Variants in CHODL observed in about 807,000 individuals in gnomAD.
CHODL encodes transmembrane protein MT75.
In CHODL, 29 loss-of-function variants were observed where a neutral mutation model predicts 34.5. The observed-to-expected ratio is 0.84, with a 90% CI of 0.63 to 1.15. CHODL has a LOEUF of 1.15. CHODL is among the 50% of genes most tolerant of loss of function. The probability of loss-of-function intolerance (pLI) is 0.00; values close to 1 mark genes in which losing one functional copy is unlikely to be tolerated. For synonymous variants in CHODL, 125 were observed against 116.1 expected, an observed-to-expected ratio of 1.08 and a Z score of -0.49; for missense variants, 332 against 332.5, an observed-to-expected ratio of 1.00 and a Z score of 0.01.
At chr21:18,134,729 G>A (rs952101833) in intron 2 of CHODL, among the ~76,000 whole-genome samples, 5 of 152,154 alleles carry the variant, frequency 3.3e-5, no homozygotes, top group African/African-American at 1.2e-4. Context: ...CTCACAAGAG[G>A]AGGAGATTGC....
chr21:18,149,388 T>C (rs2072937344), intron 2 of CHODL, among the ~76,000 whole-genome samples: 1 of 152,204 alleles, frequency 6.6e-6, no homozygotes. Context: ...GCACTGGTAG[T>C]CAGGGCAATG....
intron 1 of CHODL, among the ~76,000 whole-genome samples, chr21:17,975,138 C>G (rs1488201923): frequency 6.6e-6 from 1 of 151,872 alleles, no homozygotes; most frequent in African/African-American, 2.4e-5. Flanking sequence ...CGAGCCTGGC[C>G]AAGATGGTGA....
At chr21:18,083,677 T>C (rs183096650) in intron 2 of CHODL, among the ~76,000 whole-genome samples, 18 of 152,316 alleles carry the variant, frequency 1.2e-4, no homozygotes, top group Non-Finnish European at 1.5e-4. Flanking sequence ...TTCTGGAGCT[T>C]TAATATTTAA....
intron 1 of CHODL, among the ~76,000 whole-genome samples, chr21:18,013,013 C>T (rs1463590834): frequency 1.3e-5 from 2 of 152,112 alleles, no homozygotes; most frequent in Non-Finnish European, 2.9e-5. Context: ...GTAATTATCT[C>T]AAGGATTAGA....
intron 2 of CHODL, among the ~76,000 whole-genome samples, chr21:18,085,562 A>G (rs1016630088): frequency 6.6e-6 from 1 of 152,130 alleles, no homozygotes; most frequent in African/African-American, 2.4e-5. Flanking sequence ...AGTGCTGACA[A>G]ATTCCTTCAG....
intron 2 of CHODL, among the ~76,000 whole-genome samples, chr21:18,172,672 A>G (rs1426403457): frequency 5.9e-5 from 9 of 152,068 alleles, no homozygotes. Context: ...TAGTGTTCTT[A>G]TCATTTTTAC....
chr21:18,075,465 C>A (rs578240898), intron 2 of CHODL, among the ~76,000 whole-genome samples: 1 of 152,156 alleles, frequency 6.6e-6, no homozygotes, highest in Non-Finnish European at 1.5e-5. Context: ...GTCAGACACT[C>A]TTGGATTGAC....
rs561929071 is a variant in CHODL at position 18,020,686 on chromosome 21, C to T, written c.-144-7186C>T. 6.6e-5 allele frequency among the ~76,000 whole-genome samples: 10 copies of T among 152,272 alleles called. No individual in the cohort carries two copies. The South Asian group carries it at 2.1e-3, about 32-fold the overall frequency. ...TGTTATAGACTGAATGTTTGGGTCTCTACAAAATATAGATGTTGAGGTCCT... is the reference window on the plus strand; with the variant it reads ...TGTTATAGACTGAATGTTTGGGTCTTTACAAAATATAGATGTTGAGGTCCT... On this transcript the variant is annotated intron_variant, in intron 1 of 6. Transcript: ENST00000400127.
chr21:18,190,384 C>G (rs186770537), intron 2 of CHODL, among the ~76,000 whole-genome samples: 1 of 152,166 alleles, frequency 6.6e-6, no homozygotes, highest in Non-Finnish European at 1.5e-5. Context: ...CCATCATGCT[C>G]TGTTTGTGGG....
chr21:18,224,065 A>G (rs963360685), intron 2 of CHODL, among the ~76,000 whole-genome samples: 4 of 152,132 alleles, frequency 2.6e-5, no homozygotes, highest in African/African-American at 9.7e-5. Flanking sequence ...GGAAGAGCCC[A>G]ATACGGCTCT....
At chr21:18,140,522 G>A (rs2146609131) in intron 2 of CHODL, among the ~76,000 whole-genome samples, 1 of 152,198 alleles carries the variant, frequency 6.6e-6, no homozygotes. Context: ...TAAGGGGAAG[G>A]AAAACTAGGA....
chr21:18,056,520 T>C (rs867263293), intron 2 of CHODL, among the ~76,000 whole-genome samples: 1 of 151,474 alleles, frequency 6.6e-6, no homozygotes, highest in Admixed American at 6.6e-5. Flanking sequence ...TAAGGTGTTA[T>C]AATTCAAAAA....
At chr21:17,954,646 G>A (rs1187543297) in intron 1 of CHODL, among the ~76,000 whole-genome samples, 1 of 134,364 alleles carries the variant, frequency 7.4e-6, no homozygotes, top group Non-Finnish European at 1.7e-5. Context: ...TTTGGACTTG[G>A]ATTGGAACTT....
At chr21:18,146,153 A>G (rs951857715) in intron 2 of CHODL, among the ~76,000 whole-genome samples, 3 of 119,350 alleles carry the variant, frequency 2.5e-5, no homozygotes, top group East Asian at 2.2e-4. Context: ...TTTTTTTTGT[A>G]TTTTTAGTAG....
intron 1 of CHODL, among the ~76,000 whole-genome samples, chr21:18,250,724 A>T (rs2146795859): frequency 6.6e-6 from 1 of 152,086 alleles, no homozygotes; most frequent in East Asian, 1.9e-4. Context: ...CAACATATTT[A>T]TCAGTGTGAT....
intron 2 of CHODL, among the ~76,000 whole-genome samples, chr21:18,141,707 C>T (rs2072805087): frequency 6.8e-6 from 1 of 147,998 alleles, no homozygotes; most frequent in Admixed American, 6.7e-5. Context: ...GAGGAGATCC[C>T]CTTGAGAAAG....
intron 1 of CHODL, among the ~76,000 whole-genome samples, chr21:17,926,375 G>GTTTTTTT (rs767844049): frequency 1.7e-5 from 1 of 60,540 alleles, no homozygotes; most frequent in African/African-American, 4.3e-5. Flanking sequence ...AAATAAGGTG[G>GTTTTTTT]GTTTTTTTTT....
intron 2 of CHODL, among the ~76,000 whole-genome samples, chr21:18,092,869 G>C (rs537536280): frequency 2.0e-5 from 3 of 152,192 alleles, no homozygotes; most frequent in African/African-American, 7.2e-5. Context: ...TGGCCTTAAG[G>C]CCTCTTCTTC....
intron 1 of CHODL, among the ~76,000 whole-genome samples, chr21:17,938,790 CTT>C (rs780222570): frequency 6.6e-6 from 1 of 152,124 alleles, no homozygotes; most frequent in Non-Finnish European, 1.5e-5. Flanking sequence ...AACCCACATT[CTT>C]TGCTTTCTAA....
Sources: allele counts gnomAD v4.1 joint callset (sites outside exome capture counted in the v4.1 genomes callset), GRCh38; gene constraint gnomAD v4.1.1; transcripts MANE v1.5; gene names NCBI Gene and HGNC (gene_info 2026-07-23, HGNC 2026-07-21).